The following ZNF609 variants were observed in gnomAD, a reference collection of about 807,000 sequenced individuals.
ZNF609 encodes zinc finger protein 609.
A neutral mutation model predicts 109.5 loss-of-function variants in ZNF609; 11 were observed. The observed-to-expected ratio is 0.10, with a 90% CI of 0.06 to 0.17. The LOEUF is 0.17. ZNF609 is among the 10% of genes least tolerant of loss of function. The pLI is 1.00. For synonymous variants in ZNF609, 646 were observed against 662.0 expected (o/e 0.98, Z 0.37); for missense variants, 1,559 against 1,772.4 (o/e 0.88, Z 2.16).
chr15:64,469,767 G>A (rs1166909849), intron 1 of ZNF609, among the ~76,000 whole-genome samples: 3 of 152,046 alleles, frequency 2.0e-5, no homozygotes, highest in African/African-American at 7.2e-5. Flanking sequence ...GGTGGCTCAC[G>A]CCTGTAATCC....
At chr15:64,592,301 G>A (rs1201818673) in intron 2 of ZNF609, among the ~76,000 whole-genome samples, 1 of 152,196 alleles carries the variant, frequency 6.6e-6, no homozygotes, top group Non-Finnish European at 1.5e-5. Flanking sequence ...ATTCAGCTGG[G>A]CATGGTGGCT....
At chr15:64,479,767 A>G (rs1454855583) in intron 1 of ZNF609, among the ~76,000 whole-genome samples, 1 of 151,992 alleles carries the variant, frequency 6.6e-6, no homozygotes, top group East Asian at 2.0e-4. Flanking sequence ...AAAAATACAA[A>G]CATTAGCTGG....
At chr15:64,627,439 A>G (rs964269290) in intron 3 of ZNF609, among the ~76,000 whole-genome samples, 5 of 152,178 alleles carry the variant, frequency 3.3e-5, no homozygotes, top group African/African-American at 7.2e-5. Context: ...CCAAAGGCCA[A>G]TACCAGTGAT....
chr15:64,478,155 GGTGTGTGT>G (rs149241970), intron 1 of ZNF609, among the ~76,000 whole-genome samples: 2,217 of 138,288 alleles, frequency 0.016, 31 homozygotes, highest in African/African-American at 0.039. Context: ...TTAGAATAAA[GGTGTGTGT>G]GTGTGTGTGT....
intron 2 of ZNF609, among the ~76,000 whole-genome samples, chr15:64,618,941 A>G (rs998056393): frequency 6.6e-6 from 1 of 152,100 alleles, no homozygotes; most frequent in African/African-American, 2.4e-5. Flanking sequence ...GCGGGAAAAC[A>G]AAAATGCCTA....
chr15:64,490,258 C>T (rs1312662323), intron 1 of ZNF609, among the ~76,000 whole-genome samples: 1 of 147,614 alleles, frequency 6.8e-6, no homozygotes, highest in Admixed American at 7.0e-5. Flanking sequence ...AGCCACTGCA[C>T]CCGGCCAGTA....
At chr15:64,650,961 C>T (rs1896407607) in intron 3 of ZNF609, among the ~76,000 whole-genome samples, 1 of 152,126 alleles carries the variant, frequency 6.6e-6, no homozygotes, top group South Asian at 2.1e-4. Context: ...ACTGGCCCGG[C>T]AGAGCCAATT....
chr15:64,579,196 C>G (rs1479270798), intron 2 of ZNF609, among the ~76,000 whole-genome samples: 1 of 150,574 alleles, frequency 6.6e-6, no homozygotes, highest in Non-Finnish European at 1.5e-5. Flanking sequence ...GTAGGGAGAC[C>G]CATCTCTACA....
chr15:64,626,679 G>A (rs566304580), intron 3 of ZNF609, among the ~76,000 whole-genome samples: 37 of 152,206 alleles, frequency 2.4e-4, no homozygotes, highest in African/African-American at 8.7e-4. Flanking sequence ...TTGCCTACTT[G>A]TCCTACAGTG....
intron 2 of ZNF609, among the ~76,000 whole-genome samples, chr15:64,608,717 A>C (rs1416117636): frequency 8.7e-6 from 1 of 114,808 alleles, no homozygotes; most frequent in Non-Finnish European, 1.9e-5. Flanking sequence ...GTGTGTATGC[A>C]TGCATGCGTG....
rs181687020 is a variant in ZNF609, at chr15:64,556,335, G to A, written c.747+56169G>A. ...TTTATAGAGACTGGAGCCTGGCAATGTTGCCCAGGCTGGTCTCGAACACCT... is the reference window on the plus strand; with the variant it reads ...TTTATAGAGACTGGAGCCTGGCAATATTGCCCAGGCTGGTCTCGAACACCT... On this transcript the variant is annotated intron_variant, in intron 2 of 9. Transcript: ENST00000326648. Among the ~76,000 whole-genome samples the A allele has an allele frequency of 2.0e-4, 31 of 152,118 alleles. 1 individual carries two copies. In the East Asian group the frequency reaches 5.8e-3, roughly 28 times the overall value.
chr15:64,543,838 T>G (rs1894312160), intron 2 of ZNF609, among the ~76,000 whole-genome samples: 2 of 152,210 alleles, frequency 1.3e-5, no homozygotes, highest in African/African-American at 4.8e-5. Flanking sequence ...TCATATATGT[T>G]TGTGTCATAG....
intron 2 of ZNF609, among the ~76,000 whole-genome samples, chr15:64,509,902 C>G (rs1295639947): frequency 2.0e-5 from 3 of 152,182 alleles, no homozygotes; most frequent in African/African-American, 7.2e-5. Flanking sequence ...CCAGAACAGT[C>G]AAGAGAAGAA....
At chr15:64,660,863 T>G (rs1355558064) in intron 3 of ZNF609, among the ~76,000 whole-genome samples, 1 of 152,220 alleles carries the variant, frequency 6.6e-6, no homozygotes, top group Non-Finnish European at 1.5e-5. Flanking sequence ...CTTTTTAAAA[T>G]TGCCCTTTAT....
chr15:64,683,998 A>G lies in ZNF609; in HGVS notation c.*2312A>G, dbSNP rs1360795702. The G allele has an allele frequency of 1.3e-5, 2 of 152,174 alleles. No individual in the cohort carries two copies. Among genetic ancestry groups the G allele is most frequent in the Non-Finnish European group, 2.9e-5 (2 of 68,038 alleles). The allele number at this position is 152,174 out of a possible 1,614,324, so 9.4% of individuals were successfully genotyped here. A position where few individuals can be genotyped will look rare whatever the true frequency, so the allele number is the denominator to read the frequency against. On this transcript the variant is annotated 3_prime_UTR_variant, in exon 10 of 10. Transcript: ENST00000326648. ...TTTCCTTTTTAATTTTTCTTCTTAA[A>G]CATTTGGCTCTTTGATCCTCATATC...
In ZNF609 at chr15:64,680,862, G is replaced by T; in HGVS notation, c.4162G>T (p.Gly1388Trp). 1 of 1,608,082 alleles carries T rather than the reference G, an allele frequency of 6.2e-7. No homozygotes were observed. The change falls in exon 8 of 10, where the codon GGG becomes TGG. Residue 1388 changes from glycine (G) to tryptophan (W), a missense_variant and splice_region_variant. Around this residue, in one of 4 missense-constraint regions of ZNF609, gnomAD observed 1,204 missense variants for 1,314.1 expected, o/e 0.92. Transcript: ENST00000326648. ...ACAGTACAACTTACCCTATGCAGCAGGTAAGCCTGTTTTCCCTACCACCTG... is the reference window on the plus strand; with the variant it reads ...ACAGTACAACTTACCCTATGCAGCATGTAAGCCTGTTTTCCCTACCACCTG... ...PAQYNLPYAAGLSSTAIVASQ... is the reference protein window; with the variant it reads ...PAQYNLPYAAWLSSTAIVASQ...
chr15:64,546,821 C>T (rs1439400282), intron 2 of ZNF609, among the ~76,000 whole-genome samples: 2 of 131,532 alleles, frequency 1.5e-5, no homozygotes, highest in African/African-American at 5.8e-5. Flanking sequence ...GACAGAGTCT[C>T]GCCCTGTCGC....
intron 3 of ZNF609, among the ~76,000 whole-genome samples, chr15:64,638,265 C>T (rs1467216924): frequency 1.3e-5 from 2 of 151,206 alleles, no homozygotes; most frequent in Admixed American, 1.3e-4. Flanking sequence ...TATACATTTA[C>T]GTATTCTTGT....
At chr15:64,564,826 C>A (rs1894748032) in intron 2 of ZNF609, among the ~76,000 whole-genome samples, 1 of 151,402 alleles carries the variant, frequency 6.6e-6, no homozygotes. Flanking sequence ...CATTGTTATA[C>A]ACATTGCTCA....
Sources: gnomAD v4.1 joint callset for allele counts (sites outside exome capture counted in the v4.1 genomes callset) on GRCh38, gnomAD v4.1.1 for gene constraint, gnomAD v4.1.1 regional missense constraint, MANE v1.5 for transcripts, NCBI Gene and HGNC (gene_info 2026-07-23, HGNC 2026-07-21) for gene names.